Variants in SORBS2 observed in about 807,000 individuals in gnomAD.
The protein encoded by SORBS2 is sorbin and SH3 domain containing 2.
SORBS2 carries 46 observed loss-of-function variants against 97.7 expected under a neutral mutation model. The ratio of observed to expected loss-of-function variants is 0.47; its 90% CI spans 0.37 to 0.60. The LOEUF is 0.60. SORBS2 is among the 20% of genes least tolerant of loss of function. The pLI, the probability that SORBS2 is intolerant of heterozygous loss-of-function variation, is 0.00. For synonymous variants in SORBS2, 476 were observed against 473.4 expected, an observed-to-expected ratio of 1.01 and a Z score of -0.07; for missense variants, 1,316 against 1,282.3, an observed-to-expected ratio of 1.03 and a Z score of -0.40.
intron 12 of SORBS2, among the ~76,000 whole-genome samples, chr4:185,596,741 G>A (rs149608495): frequency 0.011 from 1,634 of 152,014 alleles, 36 homozygotes; most frequent in African/African-American, 0.038. Context: ...CACCATGTTA[G>A]CCAGGATGGT....
chr4:185,730,396 A>T (rs1328907576), intron 2 of SORBS2, among the ~76,000 whole-genome samples: 1 of 149,390 alleles, frequency 6.7e-6, no homozygotes, highest in African/African-American at 2.5e-5. Flanking sequence ...GTAAAATTTA[A>T]TTTCTTCATT....
At chr4:185,702,433 C>T (rs2098277398) in intron 2 of SORBS2, among the ~76,000 whole-genome samples, 1 of 152,190 alleles carries the variant, frequency 6.6e-6, no homozygotes, top group African/African-American at 2.4e-5. Context: ...ACTCACTCTC[C>T]CTCTGCCAGG....
At position 185,880,769 on chromosome 4, in the gene SORBS2, G is replaced by A. The variant is rs115105742; in HGVS notation, c.-338+75427C>T. Among the ~76,000 whole-genome samples, 660 of 152,318 alleles carry A rather than the reference G, an allele frequency of 4.3e-3. 3 individuals carry two copies. The highest frequency in any genetic ancestry group is 5.7e-3 in the Non-Finnish European group (389 of 68,032). ...GAAAAGCAAACAGAACAGAACACTC[G>A]AATTTCAGCTCATAGGCTGGAAGCA... On this transcript the variant is annotated intron_variant, in intron 1 of 20. Transcript: ENST00000284776.
At chr4:185,588,903 C>T (rs746425098) in intron 14 of SORBS2, among the ~76,000 whole-genome samples, 21 of 152,172 alleles carry the variant, frequency 1.4e-4, no homozygotes, top group Non-Finnish European at 2.6e-4. Flanking sequence ...GCATGAGCCA[C>T]CGCACCCGGC....
chr4:185,675,934 G>A (rs1433003825), intron 4 of SORBS2, among the ~76,000 whole-genome samples: 1 of 152,100 alleles, frequency 6.6e-6, no homozygotes, highest in African/African-American at 2.4e-5. Flanking sequence ...GGGGATCTTG[G>A]TGTCAATTAG....
chr4:185,667,401 C>T (rs2097628607), intron 4 of SORBS2, among the ~76,000 whole-genome samples: 1 of 152,076 alleles, frequency 6.6e-6, no homozygotes, highest in Non-Finnish European at 1.5e-5. Context: ...TTTTCTCAGA[C>T]TTTTACTTGA....
Position 185,680,096 on chromosome 4 carries a change from C to T in SORBS2, c.-197-1274G>A, listed in dbSNP as rs77718034. Among the ~76,000 whole-genome samples the T allele has an allele frequency of 1.6e-3, 241 of 152,100 alleles. 5 individuals carry two copies. In the East Asian group the frequency reaches 0.033, roughly 21 times the overall value. ...AAAATTGGAGTAATAAAATGGGTAC[C>T]ATAGAGAAAAATTACTTTGAAGAAT... On this transcript the variant is annotated intron_variant, in intron 2 of 20. Transcript: ENST00000284776.
At chr4:185,820,607 G>A (rs948905061) in intron 1 of SORBS2, among the ~76,000 whole-genome samples, 2 of 152,160 alleles carry the variant, frequency 1.3e-5, no homozygotes, top group African/African-American at 2.4e-5. Flanking sequence ...CAGCGTGCGC[G>A]GACACCTTGC....
rs938511898 is a variant in SORBS2 at position 185,870,508 on chromosome 4, T to C, written c.-338+85688A>G. 2.9e-4 allele frequency among the ~76,000 whole-genome samples: 44 copies of C among 152,378 alleles called. 1 individual carries two copies. Among genetic ancestry groups the C allele is most frequent in the African/African-American group, 1.0e-3 (42 of 41,604 alleles). On this transcript the variant is annotated intron_variant, in intron 1 of 20. Transcript: ENST00000284776. ...GTCTCTGATCCTGTTTGAACTTTGATGACAATATCTGTGTCTCTAATGAGA... is the reference window on the plus strand; with the variant it reads ...GTCTCTGATCCTGTTTGAACTTTGACGACAATATCTGTGTCTCTAATGAGA...
chr4:185,947,024 T>C (rs974115500), intron 1 of SORBS2, among the ~76,000 whole-genome samples: 3 of 152,134 alleles, frequency 2.0e-5, no homozygotes, highest in Admixed American at 2.0e-4. Flanking sequence ...TCTACTCCAT[T>C]CCCCAACAAT....
chr4:185,827,228 TCATCATCACCATCACCAC>T (rs2099200964), intron 1 of SORBS2, among the ~76,000 whole-genome samples: 3 of 104,642 alleles, frequency 2.9e-5, no homozygotes, highest in African/African-American at 8.4e-5. Context: ...ATCACCATCA[TCATCATCACCATCACCAC>T]CATCATCATC....
chr4:185,605,922 TTTG>T (rs2096407881), intron 12 of SORBS2: 1 of 215,056 alleles, frequency 4.6e-6, no homozygotes. Context: ...ATTTTCTGCC[TTTG>T]TTGATTAAAA....
At chr4:185,845,542 C>T (rs376905731) in intron 1 of SORBS2, among the ~76,000 whole-genome samples, 11 of 151,098 alleles carry the variant, frequency 7.3e-5, no homozygotes, top group African/African-American at 2.7e-4. Context: ...ACAAATTGCA[C>T]AAGCCATAAA....
At chr4:185,828,670 C>G (rs1200730308) in intron 1 of SORBS2, among the ~76,000 whole-genome samples, 1 of 152,104 alleles carries the variant, frequency 6.6e-6, no homozygotes, top group African/African-American at 2.4e-5. Context: ...ACACGAGATC[C>G]TAAATGTCCC....
chr4:185,696,987 T>G (rs771023976), intron 2 of SORBS2, among the ~76,000 whole-genome samples: 1 of 152,150 alleles, frequency 6.6e-6, no homozygotes, highest in Non-Finnish European at 1.5e-5. Flanking sequence ...CAAAGAGACA[T>G]GTGAGGAATT....
At chr4:185,841,991 C>T (rs954843601) in intron 1 of SORBS2, among the ~76,000 whole-genome samples, 2 of 152,190 alleles carry the variant, frequency 1.3e-5, no homozygotes, top group Admixed American at 1.3e-4. Flanking sequence ...CTACTCCGTG[C>T]TCAGGGAGTG....
chr4:185,740,946 C>T (rs2098720799), intron 2 of SORBS2, among the ~76,000 whole-genome samples: 1 of 152,060 alleles, frequency 6.6e-6, no homozygotes, highest in African/African-American at 2.4e-5. Flanking sequence ...AGCACAAACT[C>T]AGCCCAGCAC....
At chr4:185,909,540 T>C (rs915149024) in intron 1 of SORBS2, among the ~76,000 whole-genome samples, 5 of 151,112 alleles carry the variant, frequency 3.3e-5, no homozygotes, top group South Asian at 2.1e-4. Context: ...TTATATAAAT[T>C]AAGATAAATA....
intron 2 of SORBS2, among the ~76,000 whole-genome samples, chr4:185,712,945 GCTTTCC>G (rs2098436542): frequency 2.0e-5 from 3 of 152,152 alleles, no homozygotes; most frequent in Admixed American, 6.6e-5. Context: ...CCTTAGTCTA[GCTTTCC>G]AGTAACCTTA....
Sources: gnomAD v4.1 joint callset for allele counts (sites outside exome capture counted in the v4.1 genomes callset) on GRCh38, gnomAD v4.1.1 for gene constraint, MANE v1.5 for transcripts, NCBI Gene and HGNC (gene_info 2026-07-23, HGNC 2026-07-21) for gene names.